DNAH3: variants seen among roughly 807,000 people sequenced by gnomAD.
The protein encoded by DNAH3 is dynein axonemal heavy chain 3.
A neutral mutation model predicts 432.5 loss-of-function variants in DNAH3; 332 were observed. The observed-to-expected ratio is 0.77, with a 90% CI of 0.70 to 0.84. The LOEUF (loss-of-function observed/expected upper bound fraction) is 0.84, where lower values mean the gene tolerates loss of function less well. Among genes scored for constraint, DNAH3 ranks in the 40% least tolerant of loss-of-function variants. The probability of loss-of-function intolerance (pLI) is 0.00; values close to 1 mark genes in which losing one functional copy is unlikely to be tolerated. For synonymous variants in DNAH3, 1,956 were observed against 1,900.2 expected (o/e 1.03, Z -0.76); for missense variants, 4,861 against 5,114.0 (o/e 0.95, Z 1.51).
At chr16:21,087,191 TG>T in intron 18 of DNAH3, 131 bp from the exon 19 acceptor site, 8 of 747,094 alleles carry the variant, frequency 1.1e-5, no homozygotes, top group Admixed American at 2.4e-5. Flanking sequence ...TTTGAGGATC[TG>T]AAACCTGCAC....
chr16:20,986,066 G>C (rs906619245), intron 47 of DNAH3, among the ~76,000 whole-genome samples: 1 of 151,906 alleles, frequency 6.6e-6, no homozygotes, highest in Non-Finnish European at 1.5e-5. Context: ...TGTTGGCCAG[G>C]CTGGTCCTGA....
At chr16:21,071,965 G>C (rs1035638195) in intron 21 of DNAH3, among the ~76,000 whole-genome samples, 8 of 152,070 alleles carry the variant, frequency 5.3e-5, no homozygotes, top group African/African-American at 1.9e-4. Flanking sequence ...GTGCCCCGGG[G>C]CACCGCAGCC....
At chr16:21,066,648 C>T (rs139264719) in intron 24 of DNAH3, among the ~76,000 whole-genome samples, 210 of 152,222 alleles carry the variant, frequency 1.4e-3, no homozygotes, top group African/African-American at 4.9e-3. Flanking sequence ...TGATTATAGG[C>T]GTGAGCCACC....
exon 62 of DNAH3, chr16:20,933,266 G>A (rs773667076): frequency 2.0e-5 from 32 of 1,614,098 alleles, no homozygotes; most frequent in Non-Finnish European, 2.6e-5. Context: ...GCCTGTGGTG[G>A]AGAGGGTTCC....
intron 12 of DNAH3, among the ~76,000 whole-genome samples, chr16:21,112,395 GAA>G (rs1419890478): frequency 1.3e-5 from 2 of 152,128 alleles, no homozygotes; most frequent in African/African-American, 4.8e-5. Flanking sequence ...AGACTGGGAA[GAA>G]AAAGAGGTTT....
In DNAH3 at chr16:20,936,687, AG is replaced by A; in HGVS notation, c.11820del (p.Tyr3941ThrfsTer9). 6.2e-7 allele frequency: 1 copy of A among 1,606,398 alleles called. No homozygotes were observed. The highest frequency in any genetic ancestry group is 8.5e-7 in the Non-Finnish European group (1 of 1,176,556). Reference sequence around the variant, plus strand: ...AGGCGGGCCAGCAGGTCAGCCACGTAGCCCCCCAGAGGCTTCAGTGATGGGT... The same window carrying A: ...AGGCGGGCCAGCAGGTCAGCCACGTACCCCCCAGAGGCTTCAGTGATGGGT... On this transcript the variant is annotated frameshift_variant, in exon 60 of 62. Coordinates refer to ENST00000261383, the Ensembl canonical transcript of DNAH3. LOFTEE classifies it high-confidence loss of function.
intron 42 of DNAH3, 81 bp from the exon 43 acceptor site, chr16:21,000,599 C>A: frequency 6.3e-6 from 8 of 1,263,978 alleles, no homozygotes; most frequent in Non-Finnish European, 7.7e-6. Flanking sequence ...CCTGGGTTTA[C>A]ATTCTAGCTC....
At chr16:21,121,088 G>C (rs747970971) in intron 10 of DNAH3, 2 of 641,436 alleles carry the variant, frequency 3.1e-6, no homozygotes, top group Non-Finnish European at 5.8e-6. Context: ...CCCATGTGAA[G>C]CATACATAAT....
At chr16:20,978,641 C>T (rs2085709598) in intron 50 of DNAH3, among the ~76,000 whole-genome samples, 3 of 152,128 alleles carry the variant, frequency 2.0e-5, no homozygotes, top group African/African-American at 7.2e-5. Flanking sequence ...TCAAGTGATC[C>T]TCCCACCTCA....
intron 58 of DNAH3, among the ~76,000 whole-genome samples, chr16:20,942,469 G>A (rs988050512): frequency 6.6e-6 from 1 of 152,184 alleles, no homozygotes; most frequent in Non-Finnish European, 1.5e-5. Flanking sequence ...CCCACTGTGA[G>A]GGGAATTTCC....
chr16:21,143,795 G>A (rs1184004466), intron 3 of DNAH3, among the ~76,000 whole-genome samples: 1 of 152,142 alleles, frequency 6.6e-6, no homozygotes, highest in Non-Finnish European at 1.5e-5. Flanking sequence ...AAAGGGCTAT[G>A]ACAATAAGAA....
At chr16:21,042,077 T>C in exon 32 of DNAH3, 1 of 1,613,872 alleles carries the variant, frequency 6.2e-7, no homozygotes, top group Non-Finnish European at 8.5e-7. Context: ...GGGTTCATGG[T>C]GATGAACACA....
At chr16:20,935,212 T>C (rs1442526367) in intron 61 of DNAH3, 136 bp downstream of exon 61, 1 of 1,000,174 alleles carries the variant, frequency 1.0e-6, no homozygotes, top group East Asian at 2.5e-5. Context: ...CTGTAAATTA[T>C]GCTAAATGCT....
intron 35 of DNAH3, among the ~76,000 whole-genome samples, chr16:21,035,751 G>GTGTCATTTAATTAT (rs2089137466): frequency 1.3e-5 from 2 of 152,066 alleles, no homozygotes; most frequent in African/African-American, 4.8e-5. Context: ...GTTCAAAATT[G>GTGTCATTTAATTAT]GGTTAAATGA....
chr16:21,031,943 G>A (rs1280844064), intron 36 of DNAH3, among the ~76,000 whole-genome samples: 1 of 152,010 alleles, frequency 6.6e-6, no homozygotes, highest in East Asian at 1.9e-4. Context: ...GCTGAGGCAG[G>A]AGAAACACTT....
At chr16:20,967,004 A>C (rs1277324100) in intron 52 of DNAH3, among the ~76,000 whole-genome samples, 3 of 152,206 alleles carry the variant, frequency 2.0e-5, no homozygotes, top group Non-Finnish European at 4.4e-5. Context: ...CACATTGGAA[A>C]AAATTTGGGA....
chr16:21,159,254 A>G lies in DNAH3; in HGVS notation c.117+71T>C, dbSNP rs2092933156. 4 of 1,316,118 alleles carry G rather than the reference A, an allele frequency of 3.0e-6. No individual in the cohort carries two copies. In the South Asian group the frequency reaches 3.5e-5, roughly 12 times the overall value. 81.5% of individuals were successfully genotyped at this position (1,316,118 alleles called of 1,614,324 possible). A position where few individuals can be genotyped will look rare whatever the true frequency, so the allele number is the denominator to read the frequency against. ...TTCTTTACCCCCAAATTAATAACTA[A>G]GTACTCGACTCCCCTCTGAGTTCCC... is the stretch of plus-strand genomic sequence containing the variant. On this transcript the variant is annotated intron_variant, in intron 1 of 61. Transcript: ENST00000261383.
In DNAH3 at chr16:21,002,964, G is replaced by T. The variant is rs564489171; in HGVS notation, c.6126+140C>A. 6.1e-6 allele frequency: 4 copies of T among 658,316 alleles called. No homozygotes were observed. The African/African-American group carries it at 7.4e-5, about 12-fold the overall frequency. 40.8% of individuals were successfully genotyped at this position (658,316 alleles called of 1,614,324 possible). Reference sequence around the variant, plus strand: ...GATTCTAAAGCCCATGTTTTTGAAGGTCCACTGCAGCTCATGTTTAAATAT... The same window carrying T: ...GATTCTAAAGCCCATGTTTTTGAAGTTCCACTGCAGCTCATGTTTAAATAT... On this transcript the variant is annotated intron_variant, in intron 42 of 61. Transcript: ENST00000261383.
intron 12 of DNAH3, among the ~76,000 whole-genome samples, chr16:21,112,459 G>A (rs1215655710): frequency 6.6e-6 from 1 of 152,098 alleles, no homozygotes; most frequent in Admixed American, 6.6e-5. Flanking sequence ...CATGGTGGGA[G>A]GCAAAAGACA....
Sources: allele counts gnomAD v4.1 joint callset (sites outside exome capture counted in the v4.1 genomes callset), GRCh38; gene constraint gnomAD v4.1.1; transcripts MANE v1.5; gene names NCBI Gene and HGNC (gene_info 2026-07-23, HGNC 2026-07-21).